GDF1: variants seen among roughly 807,000 people sequenced by gnomAD.
GDF1 encodes growth differentiation factor 1, also known as embryonic growth/differentiation factor 1.
A neutral mutation model predicts 7.4 loss-of-function variants in GDF1; 8 were observed. That is an observed-to-expected ratio of 1.09 (90% CI 0.64 to 1.96). The LOEUF (loss-of-function observed/expected upper bound fraction) is 1.96. Among genes scored for constraint, GDF1 ranks in the 30% most tolerant of loss-of-function variants. GDF1 has a pLI of 0.00. For synonymous variants in GDF1, 311 were observed against 276.7 expected (o/e 1.12, Z -1.23); for missense variants, 574 against 551.5 (o/e 1.04, Z -0.41).
chr19:18,886,475 G>A (rs2056364199), intron 2 of GDF1, among the ~76,000 whole-genome samples: 2 of 152,244 alleles, frequency 1.3e-5, no homozygotes, highest in South Asian at 4.2e-4. Flanking sequence ...CTTGAGTCCT[G>A]AAGGGAGGCA....
In GDF1 at chr19:18,868,850, C is replaced by A; in HGVS notation, c.866G>T (p.Arg289Leu). 3 of 1,447,726 alleles carry A rather than the reference C, an allele frequency of 2.1e-6. No homozygotes were observed. Among genetic ancestry groups the A allele is most frequent in the Non-Finnish European group, 2.7e-6 (3 of 1,092,420 alleles). 89.7% of individuals were successfully genotyped at this position (1,447,726 alleles called of 1,614,324 possible). A position where few individuals can be genotyped will look rare whatever the true frequency, so the allele number is the denominator to read the frequency against. ...CTGGCAGTAGTTGGCCAGGAAGCCG[C>A]GCGGCGCGATGACCCAGCGGTGCCA... Reference protein sequence around the residue: ...VGWHRWVIAPRGFLANYCQGQ... With the variant: ...VGWHRWVIAPLGFLANYCQGQ... Residue 289 changes from arginine (R) to leucine (L), a missense_variant, in exon 8 of 8, where the codon CGC becomes CTC. Transcript: ENST00000247005.
At position 18,868,798 on chromosome 19, in the gene GDF1, C is replaced by T. The variant is rs1249368692; in HGVS notation, c.918G>A (p.Leu306=). The change falls in exon 8 of 8, where the codon CTG becomes CTA. Residue 306 remains leucine (L), a synonymous_variant. Coordinates refer to ENST00000247005, the MANE Select transcript of GDF1 (RefSeq NM_001492.6). ...GCGCCGGCGGCCCCCCGGACCCCGACAGCGCGACGGGCAGCGCGCACTGAC... is the reference window on the plus strand; with the variant it reads ...GCGCCGGCGGCCCCCCGGACCCCGATAGCGCGACGGGCAGCGCGCACTGAC... The part of the protein sequence containing the change: ...CQGQCALPVA[L]SGSGGPPALN... 7.5e-6 allele frequency: 11 copies of T among 1,457,254 alleles called. No individual in the cohort carries two copies. Among genetic ancestry groups the T allele is most frequent in the Middle Eastern group, 4.1e-4 (2 of 4,820 alleles). 90.3% of individuals were successfully genotyped at this position (1,457,254 alleles called of 1,614,324 possible).
In GDF1 at chr19:18,888,889, C is replaced by CTG. The variant is rs1555706335; in HGVS notation, c.-914+4526_-914+4527insCA. The stretch of plus-strand genomic sequence containing the variant: ...CCCCTATTCCAGAATTTCTTTCTTT[C>CTG]TTTTTTTTTTTTTTTTTTTTGAGAC... On this transcript the variant is annotated intron_variant, in intron 2 of 7. Coordinates refer to ENST00000247005, the MANE Select transcript of GDF1 (RefSeq NM_001492.6). Among the ~76,000 whole-genome samples, 67 of 122,918 alleles carry CTG rather than the reference C, an allele frequency of 5.5e-4. No individual in the cohort carries two copies. The East Asian group carries it at 9.1e-3, about 17-fold the overall frequency. The allele number at this position is 122,918 out of a possible 152,430, so 80.6% of individuals were successfully genotyped here.
At chr19:18,876,773 T>C (rs2056067717) in intron 6 of GDF1, among the ~76,000 whole-genome samples, 1 of 152,204 alleles carries the variant, frequency 6.6e-6, no homozygotes, top group African/African-American at 2.4e-5. Flanking sequence ...CCAGCTCCCC[T>C]GACATTACAG....
At chr19:18,879,203 G>A (rs748531926) in intron 5 of GDF1, 38 bp downstream of exon 5, 19 of 1,611,714 alleles carry the variant, frequency 1.2e-5, no homozygotes, top group Admixed American at 1.7e-5. Flanking sequence ...GGACGAGGAC[G>A]GGACCGCCAC....
chr19:18,868,553 C>G lies in GDF1; in HGVS notation c.*44G>C. 1.4e-6 allele frequency: 2 copies of G among 1,445,312 alleles called. No homozygotes were observed. The highest frequency in any genetic ancestry group is 1.9e-6 in the Non-Finnish European group (2 of 1,053,868). The allele number at this position is 1,445,312 out of a possible 1,614,324, so 89.5% of individuals were successfully genotyped here. On this transcript the variant is annotated 3_prime_UTR_variant, in exon 8 of 8. Coordinates refer to ENST00000247005, the MANE Select transcript of GDF1 (RefSeq NM_001492.6). Reference sequence around the variant, plus strand: ...GTCCAAGGAGACCAGCGGAGCAGACCACGCGGCATTTATTGTTGGGCCCGC... The same window carrying G: ...GTCCAAGGAGACCAGCGGAGCAGACGACGCGGCATTTATTGTTGGGCCCGC...
intron 7 of GDF1, 109 bp from the exon 8 acceptor site, chr19:18,869,499 T>G: frequency 7.3e-7 from 1 of 1,361,492 alleles, no homozygotes; most frequent in Non-Finnish European, 9.6e-7. Flanking sequence ...GGGCGCACCG[T>G]CTGTGGGAAG....
At position 18,878,294 on chromosome 19, in the gene GDF1, C is replaced by T; in HGVS notation, c.-313+636G>A. On this transcript the variant is annotated intron_variant, in intron 6 of 7. Transcript: ENST00000247005. The surrounding 1 kb of genome is among the most constrained non-coding windows in gnomAD (Gnocchi z 4.6). ...GGCCTCCGTTCATCCCTGGCCCAGA[C>T]ACCCCCTGCCTGCCCCAGGCCTGGG... 1.0e-6 allele frequency: 1 copy of T among 985,944 alleles called. No homozygotes were observed. Among genetic ancestry groups the T allele is most frequent in the Non-Finnish European group, 1.2e-6 (1 of 830,442 alleles). 61.1% of individuals were successfully genotyped at this position (985,944 alleles called of 1,614,324 possible). A position where few individuals can be genotyped will look rare whatever the true frequency, so the allele number is the denominator to read the frequency against.
chr19:18,896,043 C>G lies in GDF1; in HGVS notation c.-1293G>C. ...AGCTCGGCATGGGCTCGGGCCCCGT[C>G]GGCCCCGCCGCGGGCCCCGCCGCCG... is the stretch of plus-strand genomic sequence containing the variant. On this transcript the variant is annotated 5_prime_UTR_variant, in exon 1 of 8. Coordinates refer to ENST00000247005, the MANE Select transcript of GDF1 (RefSeq NM_001492.6). This position sits in a 1 kb window ranked among gnomAD's most constrained non-coding sequence, Gnocchi z 5.9. 3 of 988,574 alleles carry G rather than the reference C, an allele frequency of 3.0e-6. No homozygotes were observed. Among genetic ancestry groups the G allele is most frequent in the Non-Finnish European group, 3.6e-6 (3 of 833,544 alleles). The allele number at this position is 988,574 out of a possible 1,614,324, so 61.2% of individuals were successfully genotyped here.
Position 18,870,054 on chromosome 19 carries a change from A to G in GDF1, c.254T>C (p.Val85Ala). Residue 85 changes from valine (V) to alanine (A), a missense_variant, in exon 7 of 8, where the codon GTC becomes GCC. Coordinates refer to ENST00000247005, the MANE Select transcript of GDF1 (RefSeq NM_001492.6). This position sits in a 1 kb window ranked among gnomAD's most constrained non-coding sequence, Gnocchi z 5.1. The stretch of plus-strand genomic sequence containing the variant: ...CTCCACGTGGCACGGTTGCAGGGTG[A>G]CCCCTGGGGACGTCCGCCGCGAGCC... ...RSGSRRTSPG[V>A]TLQPCHVEEL... is the part of the protein sequence containing the mutation. The G allele has an allele frequency of 6.3e-7, 1 of 1,585,918 alleles. No homozygotes were observed. The highest frequency in any genetic ancestry group is 1.1e-5 in the South Asian group (1 of 87,962).
At chr19:18,881,285 T>C (rs2056200890) in intron 3 of GDF1, among the ~76,000 whole-genome samples, 1 of 151,098 alleles carries the variant, frequency 6.6e-6, no homozygotes, top group Non-Finnish European at 1.5e-5. Flanking sequence ...AATGGCACGA[T>C]CTCAGCTCAC....
At chr19:18,885,905 A>G (rs969945558) in intron 2 of GDF1, among the ~76,000 whole-genome samples, 1 of 151,986 alleles carries the variant, frequency 6.6e-6, no homozygotes, top group Non-Finnish European at 1.5e-5. Context: ...GCGGCTGCCC[A>G]CGGAGTCTTG....
intron 6 of GDF1, among the ~76,000 whole-genome samples, chr19:18,871,558 C>T (rs1249720432): frequency 6.6e-6 from 1 of 152,074 alleles, no homozygotes; most frequent in Admixed American, 6.6e-5. Context: ...GAGATGAGGT[C>T]GCTATGTTGT....
intron 1 of GDF1, among the ~76,000 whole-genome samples, chr19:18,894,404 C>G (rs1015259907): frequency 6.6e-6 from 1 of 152,128 alleles, no homozygotes; most frequent in African/African-American, 2.4e-5. Context: ...TAACCCCTGG[C>G]AACCAGGCTG....
chr19:18,871,725 G>T (rs532424083), intron 6 of GDF1, among the ~76,000 whole-genome samples: 1 of 152,182 alleles, frequency 6.6e-6, no homozygotes, highest in Non-Finnish European at 1.5e-5. Flanking sequence ...CCAACTGGCT[G>T]TCCCCATCCA....
intron 7 of GDF1, 44 bp from the exon 8 acceptor site, chr19:18,869,434 G>A: frequency 6.6e-7 from 1 of 1,520,368 alleles, no homozygotes. Context: ...TGCGTCCCCG[G>A]CCTGCCCATG....
At chr19:18,875,979 T>C (rs2056053883) in intron 6 of GDF1, among the ~76,000 whole-genome samples, 1 of 152,230 alleles carries the variant, frequency 6.6e-6, no homozygotes, top group Non-Finnish European at 1.5e-5. Flanking sequence ...AGAGAATAAG[T>C]TCCTGTGGTT....
intron 1 of GDF1, among the ~76,000 whole-genome samples, chr19:18,894,138 A>G (rs939404314): frequency 6.6e-6 from 1 of 151,722 alleles, no homozygotes; most frequent in African/African-American, 2.4e-5. Flanking sequence ...CTGGAGGCAG[A>G]AAAAGGGGAC....
At chr19:18,871,228 T>TTA (rs1475949826) in intron 6 of GDF1, among the ~76,000 whole-genome samples, 1 of 148,468 alleles carries the variant, frequency 6.7e-6, no homozygotes, top group African/African-American at 2.5e-5. Context: ...CAGCAATTTT[T>TTA]TTTTTTTTTT....
Sources: allele counts gnomAD v4.1 joint callset (sites outside exome capture counted in the v4.1 genomes callset), GRCh38; gene constraint gnomAD v4.1.1; non-coding constraint Gnocchi (gnomAD v3.1); transcripts MANE v1.5; gene names NCBI Gene and HGNC (gene_info 2026-07-23, HGNC 2026-07-21).